Variants in COL23A1 observed in about 807,000 individuals in gnomAD.
The protein encoded by COL23A1 is collagen type XXIII alpha 1 chain.
COL23A1 carries 97 observed loss-of-function variants against 99.3 expected under a neutral mutation model. That is an observed-to-expected ratio of 0.98 (90% confidence interval 0.83 to 1.16). The LOEUF is 1.16. Ranked by LOEUF, COL23A1 falls within the 50% of genes most tolerant of loss-of-function variation. The pLI is 0.00. For missense variants in COL23A1, 762 were observed against 757.4 expected (o/e 1.01, Z -0.07); for synonymous variants, 320 against 308.2 (o/e 1.04, Z -0.40).
chr5:178,288,227 A>G, intron 5 of COL23A1, 97 bp downstream of exon 5: 1 of 1,052,010 alleles, frequency 9.5e-7, no homozygotes, highest in Non-Finnish European at 1.5e-6. Context: ...GGAGCAGAAG[A>G]GACAGGAGCG....
intron 2 of COL23A1, among the ~76,000 whole-genome samples, chr5:178,499,860 G>C (rs976429410): frequency 6.6e-6 from 1 of 152,158 alleles, no homozygotes; most frequent in Non-Finnish European, 1.5e-5. Flanking sequence ...CAATAGAATA[G>C]TACTTGACAA....
At chr5:178,242,264 G>T in intron 26 of COL23A1, 77 bp downstream of exon 26, 1 of 1,530,904 alleles carries the variant, frequency 6.5e-7, no homozygotes, top group Non-Finnish European at 8.9e-7. Flanking sequence ...CTCTCTACCT[G>T]CTTCACCTGA....
chr5:178,492,868 T>G (rs142185955), intron 2 of COL23A1, among the ~76,000 whole-genome samples: 1 of 152,168 alleles, frequency 6.6e-6, no homozygotes, highest in Non-Finnish European at 1.5e-5. Flanking sequence ...GCTGGTTAAG[T>G]GGCTGAACTT....
chr5:178,445,401 G>A (rs1471581262), intron 2 of COL23A1, among the ~76,000 whole-genome samples: 1 of 152,022 alleles, frequency 6.6e-6, no homozygotes, highest in Non-Finnish European at 1.5e-5. Context: ...TGCCCTAAGT[G>A]TCTCTCCCCT....
At chr5:178,440,414 T>A (rs1314371413) in intron 2 of COL23A1, among the ~76,000 whole-genome samples, 1 of 152,178 alleles carries the variant, frequency 6.6e-6, no homozygotes, top group Non-Finnish European at 1.5e-5. Context: ...TGCCGCTTCC[T>A]CTGGAAGTCT....
At chr5:178,334,778 C>T (rs1229276090) in intron 2 of COL23A1, among the ~76,000 whole-genome samples, 1 of 152,136 alleles carries the variant, frequency 6.6e-6, no homozygotes, top group Non-Finnish European at 1.5e-5. Flanking sequence ...TATGTTGTCT[C>T]ACACGTTTCC....
intron 2 of COL23A1, among the ~76,000 whole-genome samples, chr5:178,471,010 C>T (rs12518617): frequency 0.013 from 1,984 of 152,298 alleles, 17 homozygotes; most frequent in Non-Finnish European, 0.021. Context: ...GTGCAGTGCA[C>T]GAAGTGGTTC....
intron 2 of COL23A1, among the ~76,000 whole-genome samples, chr5:178,383,098 AG>A (rs550036829): frequency 4.7e-4 from 71 of 152,208 alleles, no homozygotes; most frequent in African/African-American, 1.7e-3. Flanking sequence ...TGAGATGCAT[AG>A]GAGCTTGCTG....
intron 2 of COL23A1, among the ~76,000 whole-genome samples, chr5:178,402,062 CA>C (rs1302875812): frequency 6.6e-6 from 1 of 152,196 alleles, no homozygotes; most frequent in African/African-American, 2.4e-5. Flanking sequence ...GTGATCCGCC[CA>C]CCTCAGCCTA....
intron 2 of COL23A1, among the ~76,000 whole-genome samples, chr5:178,388,192 A>C (rs766667519): frequency 3.3e-5 from 5 of 152,158 alleles, no homozygotes; most frequent in South Asian, 2.1e-4. Flanking sequence ...CCTGAAATGT[A>C]AGTCTCCCTC....
At chr5:178,409,028 T>G (rs1653918749) in intron 2 of COL23A1, among the ~76,000 whole-genome samples, 1 of 140,280 alleles carries the variant, frequency 7.1e-6, no homozygotes, top group Non-Finnish European at 1.6e-5. Flanking sequence ...ACACATCATG[T>G]GGCTGAACAA....
Position 178,415,655 on chromosome 5 carries a change from C to T in COL23A1, c.362-108736G>A, listed in dbSNP as rs545811098. ...GCTCCATGAGGGCAAGGGGACTGTG[C>T]GGGCGGCGGTGAGGTGGGCAGTCAG... is the stretch of plus-strand genomic sequence containing the variant. On this transcript the variant is annotated intron_variant, in intron 2 of 28. Coordinates refer to ENST00000390654, the MANE Select transcript of COL23A1 (RefSeq NM_173465.4). The surrounding 1 kb of genome is among the most constrained non-coding windows in gnomAD (Gnocchi z 4.6). Among the ~76,000 whole-genome samples the T allele has an allele frequency of 4.6e-5, 7 of 152,300 alleles. No homozygotes were observed. The highest frequency in any genetic ancestry group is 2.1e-4 in the South Asian group (1 of 4,824).
intron 2 of COL23A1, among the ~76,000 whole-genome samples, chr5:178,499,643 C>T (rs1364400067): frequency 1.3e-5 from 2 of 152,220 alleles, no homozygotes; most frequent in Admixed American, 6.5e-5. Context: ...TGGCATCACA[C>T]AAACTGTCAT....
rs758819828 is a variant in COL23A1, at chr5:178,248,260, G to A, written c.1150-6C>T. Reference sequence around the variant, plus strand: ...CCCTTGAGGCCGTCAGCGCCCTGCAGGACGGCAATGGCCTGTGAGTCCTTT... The same window carrying A: ...CCCTTGAGGCCGTCAGCGCCCTGCAAGACGGCAATGGCCTGTGAGTCCTTT... On this transcript the variant is annotated splice_region_variant and splice_polypyrimidine_tract_variant and intron_variant, in intron 19 of 28. Transcript: ENST00000390654. 1.1e-5 allele frequency: 17 copies of A among 1,610,090 alleles called. No homozygotes were observed. The highest frequency in any genetic ancestry group is 1.2e-5 in the Non-Finnish European group (14 of 1,176,894).
At chr5:178,247,932 G>GC in intron 20 of COL23A1, 101 bp from the exon 21 acceptor site, 8 of 1,074,914 alleles carry the variant, frequency 7.4e-6, no homozygotes, top group South Asian at 6.2e-5. Flanking sequence ...TCTCCTTCCT[G>GC]CCCCCCAGAG....
At chr5:178,502,041 G>C (rs1554185119) in intron 2 of COL23A1, among the ~76,000 whole-genome samples, 1 of 152,244 alleles carries the variant, frequency 6.6e-6, no homozygotes, top group Non-Finnish European at 1.5e-5. Flanking sequence ...GCATAGAAAA[G>C]AAGATAAGAA....
intron 2 of COL23A1, among the ~76,000 whole-genome samples, chr5:178,411,807 ATAAT>A (rs1765070792): frequency 6.6e-6 from 1 of 152,258 alleles, no homozygotes; most frequent in Admixed American, 6.5e-5. Flanking sequence ...AACCTCATAC[ATAAT>A]TAAAGTCATT....
At chr5:178,534,460 C>T (rs1054578353) in intron 2 of COL23A1, among the ~76,000 whole-genome samples, 4 of 152,170 alleles carry the variant, frequency 2.6e-5, no homozygotes, top group Admixed American at 1.3e-4. Flanking sequence ...CTGGGCTCAG[C>T]CCCATCGCTC....
At chr5:178,330,505 T>C (rs1178953221) in intron 2 of COL23A1, among the ~76,000 whole-genome samples, 1 of 152,108 alleles carries the variant, frequency 6.6e-6, no homozygotes, top group Non-Finnish European at 1.5e-5. Flanking sequence ...AAAAATACTA[T>C]ATATGTACAT....
Sources: gnomAD v4.1 joint callset for allele counts (sites outside exome capture counted in the v4.1 genomes callset) on GRCh38, gnomAD v4.1.1 for gene constraint, Gnocchi (gnomAD v3.1) non-coding constraint, MANE v1.5 for transcripts, NCBI Gene and HGNC (gene_info 2026-07-23, HGNC 2026-07-21) for gene names.